Variants in SORCS1 observed in about 807,000 individuals in gnomAD.
The protein encoded by SORCS1 is sortilin related VPS10 domain containing receptor 1.
SORCS1 carries 60 observed loss-of-function variants against 146.1 expected under a neutral mutation model. The observed-to-expected ratio is 0.41, with a 90% CI of 0.33 to 0.51. The LOEUF (loss-of-function observed/expected upper bound fraction) is 0.51. Among genes scored for constraint, SORCS1 ranks in the 20% least tolerant of loss-of-function variants. The pLI is 0.21. For synonymous variants in SORCS1, 637 were observed against 584.0 expected (o/e 1.09, Z -1.31); for missense variants, 1,352 against 1,487.6 (o/e 0.91, Z 1.50).
intron 8 of SORCS1, among the ~76,000 whole-genome samples, chr10:106,702,109 C>T (rs941838069): frequency 1.3e-5 from 2 of 152,164 alleles, no homozygotes; most frequent in Admixed American, 6.6e-5. Context: ...AGAAGCTATA[C>T]CCAAGTGTTT....
At chr10:106,987,632 C>T (rs1316482327) in intron 1 of SORCS1, among the ~76,000 whole-genome samples, 1 of 152,194 alleles carries the variant, frequency 6.6e-6, no homozygotes, top group African/African-American at 2.4e-5. Context: ...CTGAGGTTCT[C>T]CTCTTTCATG....
At chr10:106,751,243 A>G (rs907136897) in intron 5 of SORCS1, among the ~76,000 whole-genome samples, 22 of 151,996 alleles carry the variant, frequency 1.4e-4, no homozygotes, top group African/African-American at 4.6e-4. Flanking sequence ...GCCTCAGTAG[A>G]CCTTGGGAAG....
intron 1 of SORCS1, among the ~76,000 whole-genome samples, chr10:106,974,004 G>A (rs1208674130): frequency 6.6e-6 from 1 of 152,168 alleles, no homozygotes; most frequent in Non-Finnish European, 1.5e-5. Context: ...AGTAGGATAG[G>A]GTGGAGTGAG....
At chr10:107,176,975 T>A in the SORCS1 span, among the ~76,000 whole-genome samples, 1 of 152,156 alleles carries the variant, frequency 6.6e-6, no homozygotes, top group African/African-American at 2.4e-5. Flanking sequence ...ATCATATGTG[T>A]GTGTTTCTCC....
At chr10:106,952,745 G>A (rs1236269980) in intron 2 of SORCS1, among the ~76,000 whole-genome samples, 2 of 151,534 alleles carry the variant, frequency 1.3e-5, no homozygotes, top group Admixed American at 6.6e-5. Flanking sequence ...GGAGGCTGAG[G>A]TGGGAGGGTT....
intron 2 of SORCS1, among the ~76,000 whole-genome samples, chr10:106,870,221 T>C (rs1950356309): frequency 6.6e-6 from 1 of 152,148 alleles, no homozygotes; most frequent in African/African-American, 2.4e-5. Flanking sequence ...AAACATCCCA[T>C]GCTCATGGAT....
chr10:106,769,244 G>C (rs1273064959), intron 4 of SORCS1, among the ~76,000 whole-genome samples: 2 of 152,072 alleles, frequency 1.3e-5, no homozygotes, highest in Admixed American at 1.3e-4. Context: ...CCAGCACTTT[G>C]GGAGGCTGAG....
chr10:106,739,464 G>A (rs946443395), intron 5 of SORCS1, among the ~76,000 whole-genome samples: 11 of 148,522 alleles, frequency 7.4e-5, no homozygotes, highest in African/African-American at 2.5e-4. Flanking sequence ...CAGTCTGGGT[G>A]ACAGAGAGAG....
chr10:107,085,908 A>G (rs963579868), intron 1 of SORCS1, among the ~76,000 whole-genome samples: 1 of 152,268 alleles, frequency 6.6e-6, no homozygotes, highest in South Asian at 2.1e-4. Flanking sequence ...GAATTTGACA[A>G]TAAAACAAAC....
chr10:106,998,287 C>T (rs1019680623), intron 1 of SORCS1, among the ~76,000 whole-genome samples: 2 of 152,330 alleles, frequency 1.3e-5, no homozygotes, highest in South Asian at 2.1e-4. Context: ...TTTGCAGTGT[C>T]AAAATAACAG....
chr10:106,607,046 G>A (rs1846649718), intron 23 of SORCS1, 120 bp downstream of exon 23: 1 of 1,334,928 alleles, frequency 7.5e-7, no homozygotes, highest in Non-Finnish European at 1.0e-6. Flanking sequence ...GCTCTTGCAT[G>A]TGCTTTTGGT....
chr10:106,689,116 C>T (rs1302858040), intron 9 of SORCS1, among the ~76,000 whole-genome samples: 1 of 152,202 alleles, frequency 6.6e-6, no homozygotes, highest in Non-Finnish European at 1.5e-5. Context: ...CATGGTTGTT[C>T]TCAGCCTAAA....
At chr10:106,946,247 C>T (rs1954337178) in intron 2 of SORCS1, among the ~76,000 whole-genome samples, 1 of 152,128 alleles carries the variant, frequency 6.6e-6, no homozygotes, top group Admixed American at 6.5e-5. Flanking sequence ...CTTAATAAGA[C>T]CAGTTCTATT....
chr10:106,586,883 G>A lies in SORCS1; in HGVS notation c.3266-7409C>T, dbSNP rs554500165. Among the ~76,000 whole-genome samples the A allele has an allele frequency of 2.6e-3, 397 of 152,300 alleles. 1 individual carries two copies. The highest frequency in any genetic ancestry group is 5.0e-3 in the Non-Finnish European group (339 of 68,024). On this transcript the variant is annotated intron_variant, in intron 24 of 25. Transcript: ENST00000263054. ...AGGCAGACAGATCGCTTGAGCCCAG[G>A]TGTTCAAGGCTGTAGTGAGCTATGA...
chr10:106,614,790 T>C (rs573457472), intron 21 of SORCS1, among the ~76,000 whole-genome samples: 1 of 152,176 alleles, frequency 6.6e-6, no homozygotes, highest in Non-Finnish European at 1.5e-5. Context: ...CTTAAGTTGA[T>C]TCAAGAAATA....
intron 1 of SORCS1, among the ~76,000 whole-genome samples, chr10:107,069,003 C>T (rs1962177445): frequency 6.6e-6 from 1 of 152,076 alleles, no homozygotes; most frequent in Non-Finnish European, 1.5e-5. Flanking sequence ...TGATAGATTC[C>T]CAATGGTGCC....
chr10:106,784,694 G>A (rs563600289), intron 3 of SORCS1, among the ~76,000 whole-genome samples: 84 of 152,282 alleles, frequency 5.5e-4, no homozygotes, highest in South Asian at 2.7e-3. Context: ...GATGCTAAGA[G>A]AAACAGACAT....
At chr10:107,135,399 G>C (rs1967203482) in intron 1 of SORCS1, among the ~76,000 whole-genome samples, 1 of 152,194 alleles carries the variant, frequency 6.6e-6, no homozygotes, top group Admixed American at 6.5e-5. Context: ...AAGCATTAAA[G>C]AGGCAAAAGT....
chr10:106,950,743 T>C (rs1267990693), intron 2 of SORCS1, among the ~76,000 whole-genome samples: 1 of 152,164 alleles, frequency 6.6e-6, no homozygotes, highest in Non-Finnish European at 1.5e-5. Context: ...AGATAAGCAA[T>C]GAACGTATGG....
Sources: allele counts gnomAD v4.1 joint callset (sites outside exome capture counted in the v4.1 genomes callset), GRCh38; gene constraint gnomAD v4.1.1; transcripts MANE v1.5; gene names NCBI Gene and HGNC (gene_info 2026-07-23, HGNC 2026-07-21).